AGAP1: variants seen among roughly 807,000 people sequenced by gnomAD.
AGAP1 encodes arf-GAP with GTPase, ANK repeat and PH domain-containing protein 1.
A neutral mutation model predicts 105.3 loss-of-function variants in AGAP1; 29 were observed. That is an observed-to-expected ratio of 0.28 (90% CI 0.21 to 0.38). The LOEUF (loss-of-function observed/expected upper bound fraction) is 0.38. Ranked by LOEUF, AGAP1 falls within the 10% of genes least tolerant of loss-of-function variation. AGAP1 has a pLI of 1.00. For synonymous variants in AGAP1, 509 were observed against 485.9 expected (o/e 1.05, Z -0.63); for missense variants, 998 against 1,165.1 (o/e 0.86, Z 2.09).
rs13409133 is a variant in AGAP1, at chr2:235,847,343, T to C, written c.1051-36002T>C. 5.1e-3 allele frequency among the ~76,000 whole-genome samples: 782 copies of C among 152,366 alleles called. 4 individuals carry two copies. Among genetic ancestry groups the C allele is most frequent in the African/African-American group, 0.018 (751 of 41,588 alleles). On this transcript the variant is annotated intron_variant, in intron 9 of 17. Transcript: ENST00000304032. ...CTATCCCAAAATACAGAATGCTCTT[T>C]CTACTCACTGACTCTTGCTTTCAAT...
intron 3 of AGAP1, among the ~76,000 whole-genome samples, chr2:235,722,041 T>C (rs1951412156): frequency 6.6e-6 from 1 of 152,252 alleles, no homozygotes; most frequent in Non-Finnish European, 1.5e-5. Context: ...TGTTTTTCAA[T>C]TAGTGAATTA....
At chr2:235,682,004 C>A (rs1949101574) in intron 1 of AGAP1, among the ~76,000 whole-genome samples, 1 of 151,938 alleles carries the variant, frequency 6.6e-6, no homozygotes, top group Non-Finnish European at 1.5e-5. Context: ...CATCCGCCAC[C>A]ACGCCCAGCT....
chr2:235,770,528 A>C (rs1472733592), intron 6 of AGAP1, among the ~76,000 whole-genome samples: 1 of 152,130 alleles, frequency 6.6e-6, no homozygotes, highest in East Asian at 1.9e-4. Context: ...CCTAGGTTCA[A>C]GTGATTCTCA....
In AGAP1 at chr2:235,517,868, T is replaced by C. The variant is rs770935160; in HGVS notation, c.163+23019T>C. On this transcript the variant is annotated intron_variant, in intron 1 of 17. Transcript: ENST00000304032. The surrounding 1 kb of genome is among the most constrained non-coding windows in gnomAD (Gnocchi z 4.1). ...AGGAGAATCTCTTGAACCCGGGAAG[T>C]GTTGGAGTGAGCCAAGATTGTGCCT... Among the ~76,000 whole-genome samples, 4 of 146,136 alleles carry C rather than the reference T, an allele frequency of 2.7e-5. No individual in the cohort carries two copies. The highest frequency in any genetic ancestry group is 7.2e-5 in the Admixed American group (1 of 13,950).
At chr2:235,778,629 G>T (rs1426953633) in intron 6 of AGAP1, among the ~76,000 whole-genome samples, 2 of 152,140 alleles carry the variant, frequency 1.3e-5, no homozygotes, top group Admixed American at 6.5e-5. Flanking sequence ...CTACCATGTG[G>T]CTCCCCTGAC....
At chr2:236,026,010 GC>G (rs1265921367) in intron 13 of AGAP1, among the ~76,000 whole-genome samples, 1 of 152,198 alleles carries the variant, frequency 6.6e-6, no homozygotes, top group Non-Finnish European at 1.5e-5. Flanking sequence ...CAGGCTCCCT[GC>G]CACCTCCCAT....
In AGAP1 at chr2:236,009,305, A is replaced by G. The variant is rs1164730421; in HGVS notation, c.1646-27256A>G. ...ACCTCACAATGAAATCGCCACGGAC[A>G]AAAGATCACGGGATACCGGGAGCAC... On this transcript the variant is annotated intron_variant, in intron 13 of 17. Transcript: ENST00000304032. The surrounding 1 kb of genome is among the most constrained non-coding windows in gnomAD (Gnocchi z 4.2). Among the ~76,000 whole-genome samples, 2 of 152,240 alleles carry G rather than the reference A, an allele frequency of 1.3e-5. No homozygotes were observed. Among genetic ancestry groups the G allele is most frequent in the Non-Finnish European group, 2.9e-5 (2 of 68,050 alleles).
intron 3 of AGAP1, among the ~76,000 whole-genome samples, chr2:235,718,550 T>C (rs1951231110): frequency 6.6e-6 from 1 of 152,204 alleles, no homozygotes; most frequent in Admixed American, 6.5e-5. Flanking sequence ...CCACCCTGTT[T>C]TGTCCCTTAG....
In AGAP1 at chr2:235,843,956, T is replaced by A. The variant is rs1961167588; in HGVS notation, c.1050+36625T>A. On this transcript the variant is annotated intron_variant, in intron 9 of 17. Transcript: ENST00000304032. The surrounding 1 kb of genome is among the most constrained non-coding windows in gnomAD (Gnocchi z 5.9). ...GCATGGCCTCACATTGTCATCAGTG[T>A]CACTCAGGACCTTGCCCGCTGCCCC... is the stretch of plus-strand genomic sequence containing the variant. 1.3e-5 allele frequency among the ~76,000 whole-genome samples: 2 copies of A among 152,208 alleles called. No homozygotes were observed. The highest frequency in any genetic ancestry group is 1.3e-4 in the Admixed American group (2 of 15,288).
At chr2:235,501,090 T>C (rs1941542162) in intron 1 of AGAP1, among the ~76,000 whole-genome samples, 1 of 152,144 alleles carries the variant, frequency 6.6e-6, no homozygotes, top group South Asian at 2.1e-4. Context: ...GGTTGGCCAC[T>C]CCCGGATTCC....
intron 11 of AGAP1, among the ~76,000 whole-genome samples, chr2:235,924,506 A>T (rs2052349426): frequency 6.6e-6 from 1 of 152,150 alleles, no homozygotes; most frequent in Admixed American, 6.5e-5. Context: ...TCAATGTTAG[A>T]ATAGGCGGCA....
rs2058754078 is a variant in AGAP1 at position 236,080,505 on chromosome 2, C to G, written c.2114+31224C>G. Among the ~76,000 whole-genome samples the G allele has an allele frequency of 6.6e-6, 1 of 152,200 alleles. No individual in the cohort carries two copies. On this transcript the variant is annotated intron_variant, in intron 16 of 17. Coordinates refer to ENST00000304032, the MANE Select transcript of AGAP1 (RefSeq NM_001037131.3). This position sits in a 1 kb window ranked among gnomAD's most constrained non-coding sequence, Gnocchi z 4.2. ...AAGAGGGACAGATCACACTAGACAT[C>G]AAGCTCAATGGATGCCACCAAGGGC...
chr2:235,566,529 G>C lies in AGAP1; in HGVS notation c.163+71680G>C. The C allele has an allele frequency of 1.0e-6, 1 of 970,148 alleles. No individual in the cohort carries two copies. Among genetic ancestry groups the C allele is most frequent in the Non-Finnish European group, 1.2e-6 (1 of 816,024 alleles). 60.1% of individuals were successfully genotyped at this position (970,148 alleles called of 1,614,324 possible). ...AGTGAAAAGCACAAATCATCAGTGC[G>C]CCGTACGTTTTGGCCAGCACTTTAT... On this transcript the variant is annotated intron_variant, in intron 1 of 17. Coordinates refer to ENST00000304032, the MANE Select transcript of AGAP1 (RefSeq NM_001037131.3). This position sits in a 1 kb window ranked among gnomAD's most constrained non-coding sequence, Gnocchi z 5.2.
In AGAP1 at chr2:235,867,536, A is replaced by AGTGTGTGTGTGTGTGTGTGTGT. The variant is rs61257818; in HGVS notation, c.1051-15791_1051-15770dup. 1.8e-3 allele frequency among the ~76,000 whole-genome samples: 217 copies of AGTGTGTGTGTGTGTGTGTGTGT among 123,318 alleles called. 1 individual carries two copies. The highest frequency in any genetic ancestry group is 5.6e-3 in the African/African-American group (198 of 35,104). The allele number at this position is 123,318 out of a possible 152,430, so 80.9% of individuals were successfully genotyped here. On this transcript the variant is annotated intron_variant, in intron 9 of 17. Coordinates refer to ENST00000304032, the MANE Select transcript of AGAP1 (RefSeq NM_001037131.3). The surrounding 1 kb of genome is among the most constrained non-coding windows in gnomAD (Gnocchi z 5.4). ...ATCATACACCTTATGCTGGTGCTGC[A>AGTGTGTGTGTGTGTGTGTGTGT]GTGTGTGTGTGTGTGTGTGTGTGTG...
At chr2:235,809,058 A>T (rs1957989194) in intron 9 of AGAP1, among the ~76,000 whole-genome samples, 1 of 152,078 alleles carries the variant, frequency 6.6e-6, no homozygotes, top group Non-Finnish European at 1.5e-5. Flanking sequence ...GAATATTAAA[A>T]CTTAATAATA....
intron 1 of AGAP1, among the ~76,000 whole-genome samples, chr2:235,681,210 CG>C (rs1201118370): frequency 8.5e-5 from 13 of 152,152 alleles, no homozygotes; most frequent in African/African-American, 2.9e-4. Flanking sequence ...GGGGCTTCAC[CG>C]TGTTAGCCAG....
At position 235,982,649 on chromosome 2, in the gene AGAP1, A is replaced by G. The variant is rs561506939; in HGVS notation, c.1645+14026A>G. The stretch of plus-strand genomic sequence containing the variant: ...TAGGCCCTGTTTCTTTTCGAGCAGC[A>G]CAGAAATACTTGCCCAGTCCGTTCG... On this transcript the variant is annotated intron_variant, in intron 13 of 17. Coordinates refer to ENST00000304032, the MANE Select transcript of AGAP1 (RefSeq NM_001037131.3). The surrounding 1 kb of genome is among the most constrained non-coding windows in gnomAD (Gnocchi z 4.9). Among the ~76,000 whole-genome samples, 5 of 152,380 alleles carry G rather than the reference A, an allele frequency of 3.3e-5. No individual in the cohort carries two copies. Among genetic ancestry groups the G allele is most frequent in the Admixed American group, 2.0e-4 (3 of 15,310 alleles).
chr2:235,947,474 G>A lies in AGAP1; in HGVS notation c.1483+16551G>A, dbSNP rs143617802. The stretch of plus-strand genomic sequence containing the variant: ...TATATAACATTTTCTTCGTCCACTC[G>A]TTGATTGATGGGCATTTGGGCTGGT... On this transcript the variant is annotated intron_variant, in intron 12 of 17. Coordinates refer to ENST00000304032, the MANE Select transcript of AGAP1 (RefSeq NM_001037131.3). 6.6e-5 allele frequency among the ~76,000 whole-genome samples: 10 copies of A among 152,226 alleles called. No homozygotes were observed. The East Asian group carries it at 9.6e-4, about 15-fold the overall frequency.
At position 235,656,834 on chromosome 2, in the gene AGAP1, A is replaced by G. The variant is rs1314249274; in HGVS notation, c.164-52345A>G. On this transcript the variant is annotated intron_variant, in intron 1 of 17. Transcript: ENST00000304032. ...TTCTTTTGTGGCACTGAAACTTTAT[A>G]TATAACATAATGTTGCAGTCCTTTA... 2.6e-5 allele frequency among the ~76,000 whole-genome samples: 4 copies of G among 152,216 alleles called. No homozygotes were observed. In the East Asian group the frequency reaches 5.8e-4, roughly 22 times the overall value.
Sources: gnomAD v4.1 joint callset for allele counts (sites outside exome capture counted in the v4.1 genomes callset) on GRCh38, gnomAD v4.1.1 for gene constraint, Gnocchi (gnomAD v3.1) non-coding constraint, MANE v1.5 for transcripts, NCBI Gene and HGNC (gene_info 2026-07-23, HGNC 2026-07-21) for gene names.